ABCA5: variants seen among roughly 807,000 people sequenced by gnomAD.
ABCA5 encodes ATP binding cassette subfamily A member 5.
ABCA5 carries 163 observed loss-of-function variants against 206.0 expected under a neutral mutation model. The observed-to-expected ratio is 0.79, with a 90% CI of 0.70 to 0.90. The LOEUF is 0.90. Among genes scored for constraint, ABCA5 ranks in the 40% least tolerant of loss-of-function variants. ABCA5 has a pLI of 0.00. For missense variants in ABCA5, 1,859 were observed against 1,912.9 expected (o/e 0.97, Z 0.53); for synonymous variants, 609 against 613.8 (o/e 0.99, Z 0.11).
chr17:69,270,400 T>G (rs2075259115), intron 22 of ABCA5, among the ~76,000 whole-genome samples: 1 of 152,056 alleles, frequency 6.6e-6, no homozygotes, highest in African/African-American at 2.4e-5. Context: ...TATACAAATA[T>G]TAATACCAAA....
intron 9 of ABCA5, among the ~76,000 whole-genome samples, chr17:69,298,316 G>GAGGAAAGAAGGA (rs2075612776): frequency 2.4e-5 from 1 of 42,058 alleles, no homozygotes; most frequent in African/African-American, 6.3e-5. Context: ...AAGAGAGAGA[G>GAGGAAAGAAGGA]AGGAAGGAAG....
intron 11 of ABCA5, among the ~76,000 whole-genome samples, chr17:69,291,934 G>A (rs553724737): frequency 5.3e-5 from 8 of 151,958 alleles, no homozygotes; most frequent in South Asian, 2.1e-4. Context: ...GCAACATGGC[G>A]AAATCCCGTC....
intron 15 of ABCA5, among the ~76,000 whole-genome samples, chr17:69,286,799 C>G (rs2075459486): frequency 6.6e-6 from 1 of 152,186 alleles, no homozygotes. Context: ...TATAAGCAGA[C>G]AGAAGTTGCT....
chr17:69,282,621 T>C (rs2075407101), intron 18 of ABCA5, among the ~76,000 whole-genome samples: 2 of 150,198 alleles, frequency 1.3e-5, no homozygotes, highest in South Asian at 2.1e-4. Flanking sequence ...ATACAACAAC[T>C]AGCTGGGCGT....
rs575430659 is a variant in ABCA5 at position 69,256,537 on chromosome 17, C to A, written c.3732-254G>T. Among the ~76,000 whole-genome samples the A allele has an allele frequency of 2.7e-5, 4 of 150,918 alleles. No homozygotes were observed. The South Asian group carries it at 8.4e-4, about 32-fold the overall frequency. The stretch of plus-strand genomic sequence containing the variant: ...GTGGTACGATCTCAGGTCACTATAA[C>A]CTCTGCCTCCTGGGTTCAAGCGATT... On this transcript the variant is annotated intron_variant, in intron 28 of 38. Transcript: ENST00000392676.
At chr17:69,258,106 T>C (rs1598152068) in intron 28 of ABCA5, among the ~76,000 whole-genome samples, 1 of 152,088 alleles carries the variant, frequency 6.6e-6, no homozygotes, top group South Asian at 2.1e-4. Context: ...TAGGAAAATG[T>C]TATTCGTTAC....
rs376768857 is a variant in ABCA5 at position 69,295,119 on chromosome 17, T to C, written c.1437-406A>G. Among the ~76,000 whole-genome samples, 7 of 152,296 alleles carry C rather than the reference T, an allele frequency of 4.6e-5. No homozygotes were observed. In the East Asian group the frequency reaches 9.6e-4, roughly 21 times the overall value. On this transcript the variant is annotated intron_variant, in intron 10 of 38. Coordinates refer to ENST00000392676, the MANE Select transcript of ABCA5 (RefSeq NM_172232.4). ...GTTAAGAAATTATAAGGAAAAAATA[T>C]ATATTTACATTATTATACTGTATTT...
intron 7 of ABCA5, among the ~76,000 whole-genome samples, chr17:69,303,891 C>A (rs1397581710): frequency 1.7e-5 from 2 of 120,232 alleles, no homozygotes; most frequent in African/African-American, 3.4e-5. Flanking sequence ...TACACACACA[C>A]AAAAATTAGC....
intron 7 of ABCA5, among the ~76,000 whole-genome samples, chr17:69,303,869 T>TATAC (rs2145018281): frequency 9.4e-6 from 1 of 106,878 alleles, no homozygotes; most frequent in Admixed American, 1.2e-4. Context: ...TATATATATA[T>TATAC]ACATATATAC....
At chr17:69,270,192 G>T (rs2075256675) in intron 22 of ABCA5, among the ~76,000 whole-genome samples, 2 of 152,020 alleles carry the variant, frequency 1.3e-5, no homozygotes, top group South Asian at 2.1e-4. Context: ...AGGATTAAGA[G>T]AAAATATGTT....
intron 9 of ABCA5, among the ~76,000 whole-genome samples, chr17:69,298,430 C>T (rs1482274296): frequency 1.3e-5 from 2 of 152,148 alleles, no homozygotes; most frequent in East Asian, 1.9e-4. Flanking sequence ...AAAATACCTA[C>T]ACTCCTCATT....
intron 12 of ABCA5, 83 bp from the exon 13 acceptor site, chr17:69,290,120 T>A: frequency 1.0e-6 from 1 of 975,474 alleles, no homozygotes; most frequent in Non-Finnish European, 1.4e-6. Flanking sequence ...CTTAGTTATT[T>A]GGTTATAACA....
At chr17:69,289,802 A>G (rs1432572601) in intron 13 of ABCA5, 60 bp downstream of exon 13, 1 of 1,327,880 alleles carries the variant, frequency 7.5e-7, no homozygotes, top group East Asian at 2.4e-5. Flanking sequence ...TGCACAAGTC[A>G]TTACAAAAGG....
chr17:69,253,899 A>T (rs1169613326), intron 32 of ABCA5, 30 bp from the exon 33 acceptor site: 1 of 1,536,676 alleles, frequency 6.5e-7, no homozygotes, highest in Admixed American at 1.7e-5. Flanking sequence ...AAATGAGAAT[A>T]CCATGATATA....
intron 23 of ABCA5, among the ~76,000 whole-genome samples, chr17:69,266,943 C>T (rs962805811): frequency 2.0e-5 from 3 of 151,848 alleles, no homozygotes; most frequent in Admixed American, 6.6e-5. Flanking sequence ...GGCATGATCT[C>T]GGCTCACTGC....
intron 1 of ABCA5, among the ~76,000 whole-genome samples, chr17:69,322,179 G>C (rs541829972): frequency 2.0e-5 from 3 of 151,806 alleles, no homozygotes; most frequent in Admixed American, 2.0e-4. Context: ...AAACTATCCC[G>C]GCCAACATGG....
intron 19 of ABCA5, among the ~76,000 whole-genome samples, chr17:69,274,727 G>A (rs1340534779): frequency 3.3e-5 from 5 of 151,686 alleles, no homozygotes; most frequent in African/African-American, 1.2e-4. Flanking sequence ...ATTTTTCTAA[G>A]AGTATGTAAA....
chr17:69,271,071 A>T (rs1265021573), intron 21 of ABCA5, 91 bp downstream of exon 21: 15 of 1,436,556 alleles, frequency 1.0e-5, no homozygotes, highest in African/African-American at 2.9e-5. Flanking sequence ...TCTAACTCAT[A>T]AGGTCAAATC....
chr17:69,317,201 A>G (rs2075824349), intron 1 of ABCA5: 3 of 152,196 alleles, frequency 2.0e-5, no homozygotes, highest in East Asian at 1.9e-4. Context: ...GTTTGAGACC[A>G]GCTTGGCCAA....
Sources: allele counts gnomAD v4.1 joint callset (sites outside exome capture counted in the v4.1 genomes callset), GRCh38; gene constraint gnomAD v4.1.1; transcripts MANE v1.5; gene names NCBI Gene and HGNC (gene_info 2026-07-23, HGNC 2026-07-21).